KAZN: variants seen among roughly 807,000 people sequenced by gnomAD.
The protein encoded by KAZN is kazrin, periplakin interacting protein.
A neutral mutation model predicts 87.4 loss-of-function variants in KAZN; 40 were observed. The observed-to-expected ratio is 0.46, with a 90% CI of 0.36 to 0.60. KAZN has a LOEUF of 0.60. KAZN is among the 20% of genes least tolerant of loss of function. The probability of loss-of-function intolerance (pLI) is 0.00; values close to 1 mark genes in which losing one functional copy is unlikely to be tolerated. For missense variants in KAZN, 898 were observed against 1,073.9 expected (o/e 0.84, Z 2.29); for synonymous variants, 466 against 458.3 (o/e 1.02, Z -0.22).
chr1:14,262,416 T>C (rs1388239353), intron 2 of KAZN, among the ~76,000 whole-genome samples: 1 of 152,240 alleles, frequency 6.6e-6, no homozygotes, highest in Admixed American at 6.5e-5. Flanking sequence ...AAGCTGTAAT[T>C]GCCAATAGCT....
chr1:14,402,212 A>T (rs958559243), intron 2 of KAZN, among the ~76,000 whole-genome samples: 3 of 151,300 alleles, frequency 2.0e-5, no homozygotes, highest in Non-Finnish European at 4.4e-5. Flanking sequence ...CCCACATTTT[A>T]AAAAAATTTG....
Position 14,366,629 on chromosome 1 carries a change from T to C in KAZN, c.249+186037T>C, listed in dbSNP as rs544733663. ...GTGCAGGAGCCGTGGGCGAGCACTTTTGTGTGCCAGCGGGAAGAAACGCCG... is the reference window on the plus strand; with the variant it reads ...GTGCAGGAGCCGTGGGCGAGCACTTCTGTGTGCCAGCGGGAAGAAACGCCG... On this transcript the variant is annotated intron_variant, in intron 2 of 16. Coordinates refer to the KAZN transcript ENST00000636203. Among the ~76,000 whole-genome samples, 107 of 152,264 alleles carry C rather than the reference T, an allele frequency of 7.0e-4. 4 individuals carry two copies. The South Asian group carries it at 0.022, about 31-fold the overall frequency.
At chr1:14,969,697 T>C (rs1664813432) in intron 2 of KAZN, among the ~76,000 whole-genome samples, 1 of 152,252 alleles carries the variant, frequency 6.6e-6, no homozygotes, top group South Asian at 2.1e-4. Context: ...CTGTTGTTGT[T>C]CTGTTATAGT....
chr1:14,052,022 ATGAGCTGCTT>A (rs1176946289), intron 1 of KAZN, among the ~76,000 whole-genome samples: 1 of 152,144 alleles, frequency 6.6e-6, no homozygotes, highest in Non-Finnish European at 1.5e-5. Context: ...TGGTCCCTTT[ATGAGCTGCTT>A]CACCGTGTGG....
chr1:14,667,687 A>G (rs1474851828), intron 1 of KAZN, among the ~76,000 whole-genome samples: 1 of 152,110 alleles, frequency 6.6e-6, no homozygotes. Flanking sequence ...AGTGGGAACA[A>G]TGATACCTCC....
intron 1 of KAZN, among the ~76,000 whole-genome samples, chr1:14,780,375 T>C (rs1645296150): frequency 6.6e-6 from 1 of 152,156 alleles, no homozygotes; most frequent in Non-Finnish European, 1.5e-5. Flanking sequence ...TCTCCTCCAC[T>C]CTGGAATGTG....
intron 2 of KAZN, among the ~76,000 whole-genome samples, chr1:14,250,731 A>C (rs111448035): frequency 6.6e-6 from 1 of 152,094 alleles, no homozygotes; most frequent in African/African-American, 2.4e-5. Context: ...CTTTTTAACA[A>C]TTGACTTAGT....
At chr1:14,401,903 A>G (rs1663441271) in intron 2 of KAZN, among the ~76,000 whole-genome samples, 1 of 152,312 alleles carries the variant, frequency 6.6e-6, no homozygotes, top group Non-Finnish European at 1.5e-5. Flanking sequence ...CGTCATATTA[A>G]GAGTGAAATA....
At chr1:14,260,504 G>C (rs1407574613) in intron 2 of KAZN, among the ~76,000 whole-genome samples, 4 of 152,156 alleles carry the variant, frequency 2.6e-5, no homozygotes, top group Admixed American at 2.6e-4. Flanking sequence ...GGGGACAATA[G>C]GAGAGAAGTC....
intron 8 of KAZN, among the ~76,000 whole-genome samples, chr1:15,083,883 G>A (rs1640125389): frequency 6.6e-6 from 1 of 152,180 alleles, no homozygotes; most frequent in Admixed American, 6.5e-5. Context: ...ACAGGCGAGA[G>A]GGCTGCTCAC....
At chr1:14,317,634 T>A (rs1655748088) in intron 2 of KAZN, among the ~76,000 whole-genome samples, 1 of 151,934 alleles carries the variant, frequency 6.6e-6, no homozygotes, top group Admixed American at 6.6e-5. Flanking sequence ...AATATTTGAG[T>A]ATTTCTGAGG....
intron 1 of KAZN, among the ~76,000 whole-genome samples, chr1:14,781,671 C>A (rs777943172): frequency 1.3e-5 from 2 of 152,124 alleles, no homozygotes; most frequent in Non-Finnish European, 2.9e-5. Flanking sequence ...GTAGTTTGTA[C>A]CTTTAAAACC....
At chr1:15,093,157 G>A (rs771254730) in intron 8 of KAZN, among the ~76,000 whole-genome samples, 3 of 152,080 alleles carry the variant, frequency 2.0e-5, no homozygotes, top group East Asian at 1.9e-4. Context: ...AAAAGGTACC[G>A]CAGGTCTCTG....
intron 1 of KAZN, among the ~76,000 whole-genome samples, chr1:14,105,750 C>T (rs952647223): frequency 6.6e-6 from 1 of 152,176 alleles, no homozygotes; most frequent in African/African-American, 2.4e-5. Flanking sequence ...GAAGATCTAG[C>T]AAGTTAAGAC....
intron 2 of KAZN, among the ~76,000 whole-genome samples, chr1:14,417,063 G>A (rs924668947): frequency 1.3e-5 from 2 of 151,358 alleles, no homozygotes; most frequent in Non-Finnish European, 2.9e-5. Flanking sequence ...GTAGTGGCAT[G>A]TGCCTGTGGT....
rs147104041 is a variant in KAZN at position 14,967,333 on chromosome 1, C to T, written c.418+6458C>T. Among the ~76,000 whole-genome samples, 792 of 152,210 alleles carry T rather than the reference C, an allele frequency of 5.2e-3. 12 individuals carry two copies. The highest frequency in any genetic ancestry group is 0.018 in the African/African-American group (734 of 41,524). On this transcript the variant is annotated intron_variant, in intron 2 of 14. Coordinates refer to ENST00000376030, the MANE Select transcript of KAZN (RefSeq NM_201628.3). Reference sequence around the variant, plus strand: ...TCAAGGTCTCTGCATTTGTACTTTACTCTCCCCCAGCCTCCAGATGGTCAC... The same window carrying T: ...TCAAGGTCTCTGCATTTGTACTTTATTCTCCCCCAGCCTCCAGATGGTCAC...
At chr1:14,977,342 C>T (rs1423104743) in intron 2 of KAZN, among the ~76,000 whole-genome samples, 2 of 152,160 alleles carry the variant, frequency 1.3e-5, no homozygotes, top group Non-Finnish European at 2.9e-5. Context: ...GGTAGGTGCT[C>T]AGGGAGTGGG....
chr1:15,052,691 T>G (rs1433230764), intron 4 of KAZN, among the ~76,000 whole-genome samples: 1 of 152,204 alleles, frequency 6.6e-6, no homozygotes. Context: ...ACGCGTCATC[T>G]GCAGTTCCTC....
intron 2 of KAZN, among the ~76,000 whole-genome samples, chr1:14,459,730 G>A (rs1044623509): frequency 1.3e-5 from 2 of 152,110 alleles, no homozygotes; most frequent in African/African-American, 2.4e-5. Context: ...TCTAACCTCC[G>A]AGGGCAAACA....
Sources: allele counts gnomAD v4.1 joint callset (sites outside exome capture counted in the v4.1 genomes callset), GRCh38; gene constraint gnomAD v4.1.1; transcripts MANE v1.5; gene names NCBI Gene and HGNC (gene_info 2026-07-23, HGNC 2026-07-21).